Variants in MACROD2 observed in about 807,000 individuals in gnomAD.
MACROD2 encodes mono-ADP ribosylhydrolase 2.
In MACROD2, 36 loss-of-function variants were observed where a neutral mutation model predicts 70.4. The ratio of observed to expected loss-of-function variants is 0.51; its 90% confidence interval spans 0.39 to 0.68. MACROD2 has a LOEUF of 0.68. Ranked by LOEUF, MACROD2 falls within the 30% of genes least tolerant of loss-of-function variation. The pLI is 0.00. For missense variants in MACROD2, 496 were observed against 538.4 expected, an observed-to-expected ratio of 0.92 and a Z score of 0.78; for synonymous variants, 172 against 178.8, an observed-to-expected ratio of 0.96 and a Z score of 0.30.
intron 3 of MACROD2, among the ~76,000 whole-genome samples, chr20:14,346,519 A>G (rs1252969918): frequency 3.3e-5 from 5 of 152,214 alleles, no homozygotes; most frequent in East Asian, 1.9e-4. Flanking sequence ...TCAAGCACCT[A>G]TTTATGTGTA....
rs548599862 is a variant in MACROD2 at position 15,360,125 on chromosome 20, G to A, written c.541-71280G>A. On this transcript the variant is annotated intron_variant, in intron 6 of 17. Coordinates refer to ENST00000684519, the MANE Select transcript of MACROD2 (RefSeq NM_001351661.2). ...ATAAAGCATGTGATTTTTTATTTTG[G>A]CTTTTCTCCACTCGGTATAATGACA... 2.0e-5 allele frequency among the ~76,000 whole-genome samples: 3 copies of A among 152,078 alleles called. No homozygotes were observed. The South Asian group carries it at 6.2e-4, about 32-fold the overall frequency.
At chr20:14,208,017 C>A (rs559413003) in intron 3 of MACROD2, among the ~76,000 whole-genome samples, 3 of 152,160 alleles carry the variant, frequency 2.0e-5, no homozygotes, top group African/African-American at 7.2e-5. Flanking sequence ...GAAGTGAAAA[C>A]AATTTCTCTG....
chr20:15,234,012 C>CTTTTTTTTTTTTTTTTTTTTTTTTTTTT (rs1177498607), intron 6 of MACROD2, among the ~76,000 whole-genome samples: 3 of 29,184 alleles, frequency 1.0e-4, no homozygotes, highest in East Asian at 1.4e-3. Context: ...TATATATATT[C>CTTTTTTTTTTTTTTTTTTTTTTTTTTTT]TTTTTTTTTT....
chr20:14,851,688 A>G (rs906320584), intron 5 of MACROD2, among the ~76,000 whole-genome samples: 1 of 152,214 alleles, frequency 6.6e-6, no homozygotes, highest in Non-Finnish European at 1.5e-5. Context: ...CGGATCTAGG[A>G]TAAAATGTGG....
chr20:14,059,876 G>A (rs902561482), intron 2 of MACROD2, among the ~76,000 whole-genome samples: 3 of 152,266 alleles, frequency 2.0e-5, no homozygotes, highest in East Asian at 1.9e-4. Context: ...GATAATGAGG[G>A]ATGCTTTTCT....
In MACROD2 at chr20:14,796,909, C is replaced by T. The variant is rs139244456; in HGVS notation, c.418+111950C>T. On this transcript the variant is annotated intron_variant, in intron 5 of 17. Coordinates refer to ENST00000684519, the MANE Select transcript of MACROD2 (RefSeq NM_001351661.2). ...AAATTTGTCTCAAGTTACATATAGA[C>T]CACACTTTCTCAACATTTTCTCTTA... Among the ~76,000 whole-genome samples the T allele has an allele frequency of 8.7e-4, 133 of 152,112 alleles. 2 individuals are homozygous for T. The highest frequency in any genetic ancestry group is 1.3e-3 in the Non-Finnish European group (87 of 68,002).
At chr20:14,407,463 A>T (rs1018342202) in intron 3 of MACROD2, among the ~76,000 whole-genome samples, 1 of 152,014 alleles carries the variant, frequency 6.6e-6, no homozygotes, top group Admixed American at 6.6e-5. Flanking sequence ...TTATAGTTTG[A>T]CAGTGTGGTC....
At chr20:15,979,806 G>T (rs1485368878) in intron 13 of MACROD2, among the ~76,000 whole-genome samples, 1 of 152,134 alleles carries the variant, frequency 6.6e-6, no homozygotes, top group African/African-American at 2.4e-5. Flanking sequence ...GTAATCAAGA[G>T]TTGGCTGAAT....
At chr20:15,920,882 G>A (rs529882381) in intron 10 of MACROD2, among the ~76,000 whole-genome samples, 1 of 152,224 alleles carries the variant, frequency 6.6e-6, no homozygotes, top group South Asian at 2.1e-4. Context: ...AGTAGAGGTC[G>A]ACACCATTCC....
intron 3 of MACROD2, among the ~76,000 whole-genome samples, chr20:14,480,964 G>C (rs2084656860): frequency 6.6e-6 from 1 of 151,964 alleles, no homozygotes; most frequent in Non-Finnish European, 1.5e-5. Flanking sequence ...TAAATAATTA[G>C]ACTTATTTAG....
At chr20:14,818,629 C>A (rs1394096902) in intron 5 of MACROD2, among the ~76,000 whole-genome samples, 1 of 151,848 alleles carries the variant, frequency 6.6e-6, no homozygotes, top group Admixed American at 6.6e-5. Context: ...AGGATGCCAA[C>A]TAGCATATAG....
chr20:14,226,251 C>T (rs1344273839), intron 3 of MACROD2, among the ~76,000 whole-genome samples: 1 of 152,168 alleles, frequency 6.6e-6, no homozygotes, highest in Non-Finnish European at 1.5e-5. Context: ...GGGTGTGGCC[C>T]TTAGCAGAGG....
intron 4 of MACROD2, among the ~76,000 whole-genome samples, chr20:14,590,647 ATTATC>A (rs1384729285): frequency 2.6e-5 from 4 of 152,106 alleles, no homozygotes; most frequent in Non-Finnish European, 5.9e-5. Flanking sequence ...TATTTTAATA[ATTATC>A]TTATATTGAA....
At chr20:14,009,421 T>TA (rs752044421) in intron 2 of MACROD2, among the ~76,000 whole-genome samples, 14 of 152,142 alleles carry the variant, frequency 9.2e-5, no homozygotes, top group Non-Finnish European at 1.3e-4. Context: ...CACAATGTGA[T>TA]ACCAACTCAC....
chr20:14,488,282 G>A (rs1349461652), intron 3 of MACROD2, among the ~76,000 whole-genome samples: 1 of 152,056 alleles, frequency 6.6e-6, no homozygotes, highest in East Asian at 1.9e-4. Context: ...TTCACTCTTG[G>A]GAAAGCCCCA....
rs531522993 is a variant in MACROD2, at chr20:15,373,431, G to T, written c.541-57974G>T. 5.3e-5 allele frequency among the ~76,000 whole-genome samples: 8 copies of T among 152,110 alleles called. No homozygotes were observed. In the South Asian group the frequency reaches 8.3e-4, roughly 16 times the overall value. ...TTTTCTTTTCCTTTTTAGAGACAGG[G>T]TGCTGTTCTCTCACCCAGGCTGAAA... is the stretch of plus-strand genomic sequence containing the variant. On this transcript the variant is annotated intron_variant, in intron 6 of 17. Transcript: ENST00000684519.
chr20:14,017,073 T>A (rs2053003383), intron 2 of MACROD2, among the ~76,000 whole-genome samples: 1 of 152,160 alleles, frequency 6.6e-6, no homozygotes, highest in African/African-American at 2.4e-5. Flanking sequence ...CTTGGTTAAG[T>A]ATATTACTAA....
chr20:15,891,506 G>A (rs2079551330), intron 10 of MACROD2, among the ~76,000 whole-genome samples: 1 of 152,172 alleles, frequency 6.6e-6, no homozygotes, highest in Non-Finnish European at 1.5e-5. Flanking sequence ...AGAGTAAAGA[G>A]TAGAAGCAGG....
At chr20:15,736,146 C>T (rs1224876854) in intron 8 of MACROD2, among the ~76,000 whole-genome samples, 1 of 152,196 alleles carries the variant, frequency 6.6e-6, no homozygotes, top group Non-Finnish European at 1.5e-5. Flanking sequence ...CACTAAATAA[C>T]ATGAATAGCA....
Sources: allele counts gnomAD v4.1 joint callset (sites outside exome capture counted in the v4.1 genomes callset), GRCh38; gene constraint gnomAD v4.1.1; transcripts MANE v1.5; gene names NCBI Gene and HGNC (gene_info 2026-07-23, HGNC 2026-07-21).